The following GPC3 variants were observed in gnomAD, a reference collection of about 807,000 sequenced individuals.
GPC3 encodes the protein glypican-3.
A neutral mutation model predicts 34.4 loss-of-function variants in GPC3; 3 were observed. That is an observed-to-expected ratio of 0.09 (90% CI 0.04 to 0.23). GPC3 has a LOEUF of 0.23. Ranked by LOEUF, GPC3 falls within the 10% of genes least tolerant of loss-of-function variation. The probability of loss-of-function intolerance (pLI) is 1.00; values close to 1 mark genes in which losing one functional copy is unlikely to be tolerated. For missense variants in GPC3, 351 were observed against 445.6 expected (o/e 0.79, Z 1.91); for synonymous variants, 177 against 174.0 (o/e 1.02, Z -0.13).
chrX:133,713,925 G>A (rs1229748211), intron 3 of GPC3, among the ~76,000 whole-genome samples: 3 of 111,617 alleles, frequency 2.7e-5, no homozygotes, highest in African/African-American at 9.8e-5. Flanking sequence ...TTGGAAAATC[G>A]GCATAACTCA....
chrX:133,539,288 T>C (rs1436848204), intron 7 of GPC3, among the ~76,000 whole-genome samples: 1 of 111,440 alleles, frequency 9.0e-6, no homozygotes, highest in Non-Finnish European at 1.9e-5. Flanking sequence ...GGTCTGACTC[T>C]AAACCTCAAA....
chrX:133,598,199 T>TG (rs2069940206), intron 6 of GPC3, among the ~76,000 whole-genome samples: 1 of 111,407 alleles, frequency 9.0e-6, no homozygotes, highest in Non-Finnish European at 1.9e-5. Context: ...ATCACCCAGG[T>TG]GGGGGTGCAG....
chrX:133,653,739 T>C (rs781732437), intron 6 of GPC3, among the ~76,000 whole-genome samples: 2 of 112,399 alleles, frequency 1.8e-5, no homozygotes, highest in South Asian at 3.7e-4. Flanking sequence ...AATTAGCAAG[T>C]TCATGATTCC....
intron 5 of GPC3, among the ~76,000 whole-genome samples, chrX:133,670,716 T>C (rs1473881224): frequency 8.9e-6 from 1 of 111,758 alleles, no homozygotes; most frequent in Admixed American, 9.5e-5. Flanking sequence ...AGAGCATAAA[T>C]AGCTTTAAAG....
chrX:133,613,365 A>C (rs1312627645), intron 6 of GPC3, among the ~76,000 whole-genome samples: 3 of 112,118 alleles, frequency 2.7e-5, no homozygotes, highest in Non-Finnish European at 5.6e-5. Context: ...GAATGAAAGA[A>C]ACCAAACTGA....
chrX:133,920,541 T>C (rs973839957), intron 2 of GPC3, among the ~76,000 whole-genome samples: 5 of 111,964 alleles, frequency 4.5e-5, no homozygotes, highest in Non-Finnish European at 9.4e-5. Context: ...AAATACATTA[T>C]ACATATTAAC....
chrX:133,905,505 C>T (rs1200625907), intron 2 of GPC3, among the ~76,000 whole-genome samples: 4 of 111,910 alleles, frequency 3.6e-5, no homozygotes, highest in South Asian at 3.8e-4. Context: ...CCAGATCCCC[C>T]GTTTAAGAAT....
Position 133,545,136 on chromosome X carries a change from G to A in GPC3, c.1574-8843C>T, listed in dbSNP as rs113629781. On this transcript the variant is annotated intron_variant, in intron 7 of 7. Coordinates refer to ENST00000370818, the MANE Select transcript of GPC3 (RefSeq NM_004484.4). ...GGCCTAACAGTCAGTAGAAGAAGAG[G>A]AGCTGAGGACAGAGACACTGTACAG... 1.8e-3 allele frequency among the ~76,000 whole-genome samples: 201 copies of A among 111,639 alleles called. 1 individual carries two copies. The highest frequency in any genetic ancestry group is 6.3e-3 in the African/African-American group (192 of 30,708).
In GPC3 at chrX:133,579,773, T is replaced by C. The variant is rs191061164; in HGVS notation, c.1573+16667A>G. Among the ~76,000 whole-genome samples the C allele has an allele frequency of 1.2e-4, 13 of 111,190 alleles. 1 individual carries two copies. The East Asian group carries it at 3.7e-3, about 32-fold the overall frequency. ...CTGGTCTCAAACTCCTGGGCTCAAG[T>C]GATCCTCCCACCTCGCCCTCCCACA... On this transcript the variant is annotated intron_variant, in intron 7 of 7. Transcript: ENST00000370818.
chrX:133,981,343 C>T (rs1171382356), intron 1 of GPC3, among the ~76,000 whole-genome samples: 1 of 112,010 alleles, frequency 8.9e-6, no homozygotes, highest in Non-Finnish European at 1.9e-5. Flanking sequence ...AACCCCAGCA[C>T]CTATTACAGA....
intron 2 of GPC3, among the ~76,000 whole-genome samples, chrX:133,777,654 T>A (rs778820418): frequency 3.6e-5 from 4 of 112,489 alleles, no homozygotes; most frequent in African/African-American, 1.3e-4. Context: ...TCTAAGTCAA[T>A]GACTTCTAAC....
intron 2 of GPC3, among the ~76,000 whole-genome samples, chrX:133,917,688 T>C (rs1363813690): frequency 8.9e-6 from 1 of 111,808 alleles, no homozygotes; most frequent in Non-Finnish European, 1.9e-5. Context: ...ACATTTGTCC[T>C]AGAGAGAAAA....
At chrX:133,957,375 C>T (rs1429400851) in intron 1 of GPC3, among the ~76,000 whole-genome samples, 2 of 112,318 alleles carry the variant, frequency 1.8e-5, no homozygotes, top group African/African-American at 3.2e-5. Context: ...AGAAAAGCCC[C>T]ATCACAAGAC....
chrX:133,899,271 G>A (rs1231978570), intron 2 of GPC3, among the ~76,000 whole-genome samples: 1 of 111,719 alleles, frequency 9.0e-6, no homozygotes, highest in Non-Finnish European at 1.9e-5. Flanking sequence ...ACAGAGCTGG[G>A]TGTATATTTA....
intron 3 of GPC3, chrX:133,704,326 T>C: frequency 2.7e-6 from 2 of 734,258 alleles, no homozygotes; most frequent in Middle Eastern, 6.4e-4. Flanking sequence ...TATGTTATTG[T>C]AGGGCAGGGA....
chrX:133,682,966 CA>C (rs751037276), intron 5 of GPC3, among the ~76,000 whole-genome samples: 3,156 of 50,164 alleles, frequency 0.063, 81 homozygotes, highest in Admixed American at 0.12. Context: ...GACTCTGACT[CA>C]AAAAAAAAAA....
rs998581502 is a variant in GPC3 at position 133,591,098 on chromosome X, C to A, written c.1573+5342G>T. Among the ~76,000 whole-genome samples, 10 of 112,053 alleles carry A rather than the reference C, an allele frequency of 8.9e-5. No individual in the cohort carries two copies. In the East Asian group the frequency reaches 2.8e-3, roughly 32 times the overall value. ...GGAAGAAGTAAGCCAGGGAAGCCAG[C>A]CGATAGAGCTACTTGCTGGTCATGT... On this transcript the variant is annotated intron_variant, in intron 7 of 7. Transcript: ENST00000370818.
At chrX:133,967,335 T>C (rs1247486594) in intron 1 of GPC3, among the ~76,000 whole-genome samples, 1 of 112,045 alleles carries the variant, frequency 8.9e-6, no homozygotes, top group African/African-American at 3.2e-5. Flanking sequence ...TTCCCTTCCA[T>C]TCCTATGATT....
At chrX:133,692,575 C>A in intron 4 of GPC3, 81 bp from the exon 5 acceptor site, 3 of 874,214 alleles carry the variant, frequency 3.4e-6, no homozygotes, top group Non-Finnish European at 5.0e-6. Context: ...ATCAGCATGA[C>A]AGAAAGGCTC....
Sources: gnomAD v4.1 joint callset for allele counts (sites outside exome capture counted in the v4.1 genomes callset) on GRCh38, gnomAD v4.1.1 for gene constraint, MANE v1.5 for transcripts, NCBI Gene and HGNC (gene_info 2026-07-23, HGNC 2026-07-21) for gene names.